The following DCC variants were observed in gnomAD, a reference collection of about 807,000 sequenced individuals.
The protein encoded by DCC is DCC netrin 1 receptor.
A neutral mutation model predicts 172.5 loss-of-function variants in DCC; 58 were observed. The observed-to-expected ratio is 0.34, with a 90% confidence interval of 0.27 to 0.42. DCC has a LOEUF of 0.42. DCC is among the 10% of genes least tolerant of loss of function. The pLI, the probability that DCC is intolerant of heterozygous loss-of-function variation, is 1.00. For synonymous variants in DCC, 709 were observed against 644.5 expected (o/e 1.10, Z -1.52); for missense variants, 1,740 against 1,791.0 (o/e 0.97, Z 0.51).
chr18:52,874,582 A>C (rs1397675062), intron 2 of DCC, among the ~76,000 whole-genome samples: 1 of 152,170 alleles, frequency 6.6e-6, no homozygotes, highest in African/African-American at 2.4e-5. Flanking sequence ...CATCTTGTCT[A>C]CATCATATCT....
intron 7 of DCC, among the ~76,000 whole-genome samples, chr18:53,079,921 T>C (rs985355007): frequency 6.6e-6 from 1 of 152,162 alleles, no homozygotes; most frequent in Non-Finnish European, 1.5e-5. Context: ...TCACAGAGTA[T>C]CTTTTAGAAT....
At chr18:53,260,821 C>T (rs1268007514) in intron 12 of DCC, among the ~76,000 whole-genome samples, 1 of 152,162 alleles carries the variant, frequency 6.6e-6, no homozygotes, top group African/African-American at 2.4e-5. Flanking sequence ...CAGAGGCAGG[C>T]AGGCCTCCTT....
chr18:52,867,720 G>C (rs1398986920), intron 2 of DCC, among the ~76,000 whole-genome samples: 1 of 152,126 alleles, frequency 6.6e-6, no homozygotes, highest in East Asian at 1.9e-4. Context: ...TGTGGGATCA[G>C]TGGTGATATC....
At chr18:52,672,457 T>C (rs1599007169) in intron 1 of DCC, among the ~76,000 whole-genome samples, 1 of 152,066 alleles carries the variant, frequency 6.6e-6, no homozygotes, top group African/African-American at 2.4e-5. Context: ...AGAGAGAGAT[T>C]GAACAAGATG....
intron 5 of DCC, among the ~76,000 whole-genome samples, chr18:53,034,800 C>T (rs914072985): frequency 4.6e-5 from 7 of 151,642 alleles, no homozygotes; most frequent in Non-Finnish European, 7.4e-5. Context: ...CTCATCTGCT[C>T]TTCTCTCTCT....
intron 26 of DCC, among the ~76,000 whole-genome samples, chr18:53,490,645 G>A (rs745379041): frequency 1.3e-5 from 2 of 152,164 alleles, no homozygotes; most frequent in Non-Finnish European, 2.9e-5. Context: ...AGGTTTCTTT[G>A]CTTTCAGAGA....
chr18:53,432,384 T>C (rs1244906400), intron 21 of DCC, among the ~76,000 whole-genome samples: 1 of 152,202 alleles, frequency 6.6e-6, no homozygotes, highest in Non-Finnish European at 1.5e-5. Flanking sequence ...GACTATGCGT[T>C]GCATGTAGTA....
intron 1 of DCC, among the ~76,000 whole-genome samples, chr18:52,436,253 A>C (rs906523756): frequency 6.6e-6 from 1 of 152,262 alleles, no homozygotes; most frequent in Non-Finnish European, 1.5e-5. Flanking sequence ...ACTATTTTTT[A>C]TAGTGGCTTC....
intron 1 of DCC, among the ~76,000 whole-genome samples, chr18:52,342,278 T>C (rs1184415125): frequency 9.9e-6 from 1 of 101,054 alleles, no homozygotes; most frequent in Non-Finnish European, 2.3e-5. Context: ...TGTGTGTGTG[T>C]GCGTGTGTGT....
intron 1 of DCC, among the ~76,000 whole-genome samples, chr18:52,457,047 G>C (rs1988480358): frequency 6.6e-6 from 1 of 152,004 alleles, no homozygotes; most frequent in Non-Finnish European, 1.5e-5. Context: ...CACATGAAGA[G>C]CTTTTTGTAT....
chr18:52,418,861 T>TC (rs71173393), intron 1 of DCC, among the ~76,000 whole-genome samples: 133 of 73,544 alleles, frequency 1.8e-3, no homozygotes, highest in East Asian at 8.3e-3. Flanking sequence ...TTTCTTTCTT[T>TC]TTTTTTTTTT....
intron 1 of DCC, among the ~76,000 whole-genome samples, chr18:52,694,864 G>A (rs915342009): frequency 6.6e-6 from 1 of 152,166 alleles, no homozygotes; most frequent in African/African-American, 2.4e-5. Flanking sequence ...TTGTAACACT[G>A]TATAATTCTA....
At chr18:53,451,357 T>G (rs983468425) in intron 23 of DCC, among the ~76,000 whole-genome samples, 5 of 152,212 alleles carry the variant, frequency 3.3e-5, no homozygotes, top group African/African-American at 1.2e-4. Flanking sequence ...TCAGCCTATA[T>G]CCTTGCAGCA....
chr18:53,314,331 A>T (rs1179397052), intron 13 of DCC, among the ~76,000 whole-genome samples: 2 of 152,358 alleles, frequency 1.3e-5, no homozygotes, highest in East Asian at 3.9e-4. Flanking sequence ...TTGATAAAAA[A>T]GTTACCGAAT....
chr18:53,276,244 G>C (rs1477821755), intron 12 of DCC, among the ~76,000 whole-genome samples: 1 of 152,048 alleles, frequency 6.6e-6, no homozygotes, highest in African/African-American at 2.4e-5. Context: ...TTAATCAATT[G>C]TAAACAGGCT....
intron 5 of DCC, among the ~76,000 whole-genome samples, chr18:53,034,652 A>G (rs1251211303): frequency 6.6e-6 from 1 of 151,586 alleles, no homozygotes; most frequent in Non-Finnish European, 1.5e-5. Flanking sequence ...ACAAGCAACC[A>G]GAGTGATCCT....
chr18:53,099,028 A>G (rs2043125969), intron 7 of DCC, among the ~76,000 whole-genome samples: 2 of 152,008 alleles, frequency 1.3e-5, no homozygotes, highest in South Asian at 4.2e-4. Context: ...AATAATAGTA[A>G]TAGTAATTTG....
At chr18:52,449,723 T>C (rs1988241208) in intron 1 of DCC, among the ~76,000 whole-genome samples, 2 of 152,174 alleles carry the variant, frequency 1.3e-5, no homozygotes, top group Admixed American at 1.3e-4. Context: ...AATTCCCATG[T>C]GTCATGGGAG....
chr18:53,355,763 T>C (rs1219835684), intron 15 of DCC, among the ~76,000 whole-genome samples: 1 of 152,152 alleles, frequency 6.6e-6, no homozygotes, highest in Non-Finnish European at 1.5e-5. Flanking sequence ...ACCCTTTATT[T>C]CTTTCTCCTG....
Sources: allele counts gnomAD v4.1 joint callset (sites outside exome capture counted in the v4.1 genomes callset), GRCh38; gene constraint gnomAD v4.1.1; transcripts MANE v1.5; gene names NCBI Gene and HGNC (gene_info 2026-07-23, HGNC 2026-07-21).